Variants in RALGAPA2 observed in about 807,000 individuals in gnomAD.
RALGAPA2 encodes the protein Ral GTPase activating protein catalytic subunit alpha 2.
A neutral mutation model predicts 230.4 loss-of-function variants in RALGAPA2; 139 were observed. The observed-to-expected ratio is 0.60, with a 90% CI of 0.53 to 0.69. The LOEUF (loss-of-function observed/expected upper bound fraction) is 0.69, where lower values mean the gene tolerates loss of function less well. Ranked by LOEUF, RALGAPA2 falls within the 30% of genes least tolerant of loss-of-function variation. The probability of loss-of-function intolerance (pLI) is 0.00; values close to 1 mark genes in which losing one functional copy is unlikely to be tolerated. For synonymous variants in RALGAPA2, 847 were observed against 837.8 expected (o/e 1.01, Z -0.19); for missense variants, 2,163 against 2,276.0 (o/e 0.95, Z 1.01).
intron 16 of RALGAPA2, chr20:20,598,733 C>T (rs992621053): frequency 8.8e-6 from 4 of 455,958 alleles, no homozygotes; most frequent in Admixed American, 2.4e-5. Flanking sequence ...AGAGCGCTCA[C>T]GGTGTGAAGG....
chr20:20,626,915 G>A (rs1213485947), intron 10 of RALGAPA2, among the ~76,000 whole-genome samples: 1 of 152,110 alleles, frequency 6.6e-6, no homozygotes, highest in Non-Finnish European at 1.5e-5. Flanking sequence ...TTTACTAGTT[G>A]GCCTTTTGCT....
At chr20:20,449,225 G>A (rs1039608121) in intron 37 of RALGAPA2, among the ~76,000 whole-genome samples, 1 of 152,188 alleles carries the variant, frequency 6.6e-6, no homozygotes, top group African/African-American at 2.4e-5. Context: ...AGGGCAACAA[G>A]TCCTGCAACA....
rs202092323 is a variant in RALGAPA2, at chr20:20,396,703, A to T, written c.*27T>A. On this transcript the variant is annotated 3_prime_UTR_variant, in exon 39 of 40. Transcript: ENST00000202677. ...TGAAGTGTCTGTCTTACCTTGCTCAAATATTGAAATGAGACCTTTACGTGT... is the reference window on the plus strand; with the variant it reads ...TGAAGTGTCTGTCTTACCTTGCTCATATATTGAAATGAGACCTTTACGTGT... The T allele has an allele frequency of 1.2e-6, 2 of 1,610,370 alleles. No individual in the cohort carries two copies. The highest frequency in any genetic ancestry group is 2.7e-5 in the African/African-American group (2 of 74,984).
At position 20,584,962 on chromosome 20, in the gene RALGAPA2, A is replaced by C. The variant is rs1241457337; in HGVS notation, c.2440-7T>G. On this transcript the variant is annotated splice_polypyrimidine_tract_variant and splice_region_variant and intron_variant, in intron 18 of 39. Transcript: ENST00000202677. ...TGCTTCTTCGAACTAAGATCTTCAGACAAAAAGAAATATTGCATTTACTAC... is the reference window on the plus strand; with the variant it reads ...TGCTTCTTCGAACTAAGATCTTCAGCCAAAAAGAAATATTGCATTTACTAC... The C allele has an allele frequency of 2.5e-6, 4 of 1,600,762 alleles. No homozygotes were observed. Among genetic ancestry groups the C allele is most frequent in the Non-Finnish European group, 3.4e-6 (4 of 1,171,688 alleles).
intron 33 of RALGAPA2, among the ~76,000 whole-genome samples, chr20:20,508,684 G>C (rs1201975396): frequency 2.6e-5 from 4 of 152,226 alleles, no homozygotes; most frequent in Admixed American, 2.6e-4. Context: ...CTAAATGAAA[G>C]TTGACAGACA....
chr20:20,497,820 G>C (rs765378187), intron 35 of RALGAPA2, among the ~76,000 whole-genome samples: 4 of 152,154 alleles, frequency 2.6e-5, no homozygotes, highest in Admixed American at 2.0e-4. Flanking sequence ...AGCAATTTTT[G>C]TGTGGTAATG....
At chr20:20,671,261 C>T (rs140685558) in intron 3 of RALGAPA2, among the ~76,000 whole-genome samples, 1 of 152,366 alleles carries the variant, frequency 6.6e-6, no homozygotes, top group Non-Finnish European at 1.5e-5. Flanking sequence ...ACTTACAAGG[C>T]AGACAGCAGC....
Position 20,512,818 on chromosome 20 carries a change from A to G in RALGAPA2, c.4551T>C (p.Asp1517=), listed in dbSNP as rs1298043435. Residue 1517 remains aspartate, a synonymous_variant, in exon 32 of 40, where the codon GAT becomes GAC. Transcript: ENST00000202677. The part of the protein sequence containing the change: ...QKDSSQVEEG[D]DVLDKLLENI... ...TTTCAAGTAATTTGTCAAGAACATC[A>G]TCCCCCTCCTCAACTTGAGAAGAGT... 6.2e-7 allele frequency: 1 copy of G among 1,613,710 alleles called. No individual in the cohort carries two copies. The highest frequency in any genetic ancestry group is 1.1e-5 in the South Asian group (1 of 91,068).
intron 24 of RALGAPA2, among the ~76,000 whole-genome samples, chr20:20,544,660 C>T (rs2063733821): frequency 6.6e-6 from 1 of 152,088 alleles, no homozygotes; most frequent in African/African-American, 2.4e-5. Flanking sequence ...GAAAATGTGG[C>T]ATATATATAC....
chr20:20,414,111 C>T (rs2060118944), intron 37 of RALGAPA2, among the ~76,000 whole-genome samples: 1 of 152,256 alleles, frequency 6.6e-6, no homozygotes, highest in Admixed American at 6.5e-5. Context: ...CTGGCACGTG[C>T]TGGCCCAGCA....
chr20:20,640,114 G>A (rs77554211), intron 6 of RALGAPA2, among the ~76,000 whole-genome samples: 65 of 152,238 alleles, frequency 4.3e-4, no homozygotes, highest in Non-Finnish European at 7.6e-4. Context: ...ATTCTTTCCC[G>A]TTCAAATTCT....
At position 20,392,737 on chromosome 20, in the gene RALGAPA2, T is replaced by C. The variant is rs1418871861; in HGVS notation, c.*552A>G. 6.2e-6 allele frequency: 1 copy of C among 162,036 alleles called. No individual in the cohort carries two copies. The highest frequency in any genetic ancestry group is 3.0e-3 in the Middle Eastern group (1 of 328). 10.0% of individuals were successfully genotyped at this position (162,036 alleles called of 1,614,324 possible). A position where few individuals can be genotyped will look rare whatever the true frequency, so the allele number is the denominator to read the frequency against. ...ATGAAATTTTTGAGTAAACCATAAA[T>C]CCTAACATAAAAGGAACTAGCAAAA... On this transcript the variant is annotated 3_prime_UTR_variant, in exon 40 of 40. Transcript: ENST00000202677.
At chr20:20,674,404 C>A (rs1410383965) in intron 3 of RALGAPA2, among the ~76,000 whole-genome samples, 1 of 151,970 alleles carries the variant, frequency 6.6e-6, no homozygotes, top group East Asian at 1.9e-4. Flanking sequence ...GATAGAGAAT[C>A]TACCAAAAAG....
intron 37 of RALGAPA2, among the ~76,000 whole-genome samples, chr20:20,453,142 G>A (rs147831432): frequency 8.7e-4 from 133 of 152,346 alleles, no homozygotes; most frequent in Admixed American, 4.8e-3. Flanking sequence ...GTGCCTTCCT[G>A]ATAGGATTGC....
At chr20:20,545,621 G>A (rs373150815) in intron 24 of RALGAPA2, among the ~76,000 whole-genome samples, 2 of 152,118 alleles carry the variant, frequency 1.3e-5, no homozygotes, top group African/African-American at 2.4e-5. Flanking sequence ...CACTGATTTC[G>A]ACACCAATGC....
intron 4 of RALGAPA2, among the ~76,000 whole-genome samples, chr20:20,650,985 C>A (rs1278916248): frequency 1.3e-5 from 2 of 152,162 alleles, no homozygotes; most frequent in African/African-American, 4.8e-5. Flanking sequence ...AATTCATATG[C>A]CTGCAACACC....
chr20:20,400,400 A>G (rs1423580041), intron 38 of RALGAPA2, among the ~76,000 whole-genome samples: 1 of 152,190 alleles, frequency 6.6e-6, no homozygotes, highest in Non-Finnish European at 1.5e-5. Context: ...GGGAAAGTGC[A>G]TGGAGCGTGT....
intron 33 of RALGAPA2, among the ~76,000 whole-genome samples, chr20:20,506,847 A>C (rs1251928440): frequency 2.0e-5 from 3 of 152,228 alleles, no homozygotes; most frequent in Non-Finnish European, 2.9e-5. Context: ...TTAAAAAGTC[A>C]TACAAATAAC....
At chr20:20,434,492 C>T (rs1449234120) in intron 37 of RALGAPA2, among the ~76,000 whole-genome samples, 2 of 152,120 alleles carry the variant, frequency 1.3e-5, no homozygotes, top group Non-Finnish European at 2.9e-5. Context: ...CTCTGATATC[C>T]TAACACTAAA....
Sources: allele counts gnomAD v4.1 joint callset (sites outside exome capture counted in the v4.1 genomes callset), GRCh38; gene constraint gnomAD v4.1.1; transcripts MANE v1.5; gene names NCBI Gene and HGNC (gene_info 2026-07-23, HGNC 2026-07-21).